OSBPL1A: variants seen among roughly 807,000 people sequenced by gnomAD.
The protein encoded by OSBPL1A is oxysterol binding protein like 1A.
OSBPL1A carries 80 observed loss-of-function variants against 137.1 expected under a neutral mutation model. That is an observed-to-expected ratio of 0.58 (90% CI 0.49 to 0.70). The LOEUF is 0.70. Among genes scored for constraint, OSBPL1A ranks in the 30% least tolerant of loss-of-function variants. The pLI is 0.00. For synonymous variants in OSBPL1A, 365 were observed against 389.7 expected, an observed-to-expected ratio of 0.94 and a Z score of 0.75; for missense variants, 970 against 1,129.4, an observed-to-expected ratio of 0.86 and a Z score of 2.02.
At chr18:24,177,329 C>T (rs558699726) in intron 21 of OSBPL1A, among the ~76,000 whole-genome samples, 1 of 152,314 alleles carries the variant, frequency 6.6e-6, no homozygotes, top group East Asian at 1.9e-4. Flanking sequence ...TTTCGGTCGG[C>T]CTCTAATCCC....
chr18:24,263,500 CA>C (rs1368040597), intron 15 of OSBPL1A, among the ~76,000 whole-genome samples: 1 of 152,176 alleles, frequency 6.6e-6, no homozygotes, highest in Non-Finnish European at 1.5e-5. Flanking sequence ...AACACACCAA[CA>C]AAACCCCAAA....
At chr18:24,173,417 T>C (rs1027839523) in intron 21 of OSBPL1A, among the ~76,000 whole-genome samples, 2 of 152,176 alleles carry the variant, frequency 1.3e-5, no homozygotes, top group Admixed American at 6.5e-5. Context: ...TTTATTTTAC[T>C]TTTTATTTTT....
intron 1 of OSBPL1A, among the ~76,000 whole-genome samples, chr18:24,387,985 A>C (rs1030322349): frequency 3.9e-5 from 6 of 152,094 alleles, no homozygotes; most frequent in African/African-American, 1.4e-4. Context: ...AAGGCTTACC[A>C]CATTCTAGGC....
At chr18:24,321,645 G>A (rs1282219715) in intron 7 of OSBPL1A, 3 of 505,730 alleles carry the variant, frequency 5.9e-6, no homozygotes, top group Non-Finnish European at 1.2e-5. Flanking sequence ...ACAGTAAGTT[G>A]AGGAGCACTG....
At chr18:24,190,764 G>A (rs2086870668) in intron 18 of OSBPL1A, among the ~76,000 whole-genome samples, 1 of 152,212 alleles carries the variant, frequency 6.6e-6, no homozygotes, top group Non-Finnish European at 1.5e-5. Flanking sequence ...TCTTAGAGTT[G>A]GAATGCAAGA....
At chr18:24,247,633 T>G (rs1225771231) in intron 15 of OSBPL1A, among the ~76,000 whole-genome samples, 6 of 151,672 alleles carry the variant, frequency 4.0e-5, no homozygotes, top group Non-Finnish European at 7.4e-5. Context: ...TGGCTAATTT[T>G]TTTTGTAATT....
At chr18:24,175,119 T>TATATATATAC (rs2086405170) in intron 21 of OSBPL1A, among the ~76,000 whole-genome samples, 3 of 128,536 alleles carry the variant, frequency 2.3e-5, no homozygotes, top group African/African-American at 1.0e-4. Flanking sequence ...TATATATATA[T>TATATATATAC]ATATATATAT....
chr18:24,179,861 T>C lies in OSBPL1A; in HGVS notation c.1813-26A>G, dbSNP rs1356334322. ...CTGTGGGACAGAGCATGAGAACAAG[T>C]CAAAAATAGCCGAGCTCGCTCCGCA... On this transcript the variant is annotated intron_variant, in intron 19 of 27. Coordinates refer to ENST00000319481, the MANE Select transcript of OSBPL1A (RefSeq NM_080597.4). The C allele has an allele frequency of 2.5e-6, 4 of 1,588,022 alleles. No homozygotes were observed. The Admixed American group carries it at 5.0e-5, about 20-fold the overall frequency.
At chr18:24,286,118 C>T (rs2090062625) in intron 14 of OSBPL1A, among the ~76,000 whole-genome samples, 1 of 152,136 alleles carries the variant, frequency 6.6e-6, no homozygotes, top group Non-Finnish European at 1.5e-5. Flanking sequence ...GATCGCGCCA[C>T]TGCACTCCAG....
intron 11 of OSBPL1A, among the ~76,000 whole-genome samples, chr18:24,315,597 T>C (rs2090705918): frequency 7.4e-6 from 1 of 134,436 alleles, no homozygotes; most frequent in South Asian, 2.2e-4. Flanking sequence ...ATATTAATAT[T>C]ATTATATATT....
chr18:24,275,772 AG>A (rs1477805513), intron 15 of OSBPL1A, among the ~76,000 whole-genome samples: 2 of 149,592 alleles, frequency 1.3e-5, no homozygotes, highest in East Asian at 3.9e-4. Context: ...TCCGTTGCTC[AG>A]GCTGGAGGGC....
chr18:24,178,416 C>A (rs1036878219), intron 20 of OSBPL1A, among the ~76,000 whole-genome samples: 1 of 151,974 alleles, frequency 6.6e-6, no homozygotes, highest in Non-Finnish European at 1.5e-5. Flanking sequence ...CTCAGCCTCT[C>A]GACTAATTGG....
intron 14 of OSBPL1A, among the ~76,000 whole-genome samples, chr18:24,298,593 C>G (rs1599633914): frequency 3.3e-5 from 5 of 152,350 alleles, no homozygotes; most frequent in Admixed American, 3.3e-4. Flanking sequence ...GTTCCACCCA[C>G]CTCGGCCTCC....
intron 9 of OSBPL1A, among the ~76,000 whole-genome samples, 162 bp from the exon 10 acceptor site, chr18:24,317,562 G>A (rs971201592): frequency 6.6e-6 from 1 of 152,078 alleles, no homozygotes; most frequent in Admixed American, 6.6e-5. Flanking sequence ...ACTAAGTGCA[G>A]TAATGAAAAC....
chr18:24,164,187 A>G (rs1398834770), intron 27 of OSBPL1A, among the ~76,000 whole-genome samples: 2 of 152,238 alleles, frequency 1.3e-5, no homozygotes, highest in African/African-American at 4.8e-5. Context: ...AGACATGAAT[A>G]GACATTTCTG....
chr18:24,197,338 T>A (rs1027070037), intron 17 of OSBPL1A, among the ~76,000 whole-genome samples: 1 of 152,080 alleles, frequency 6.6e-6, no homozygotes, highest in Non-Finnish European at 1.5e-5. Flanking sequence ...CAGAGCGAGA[T>A]TCTGTCTCAA....
chr18:24,262,286 A>C (rs2089461358), intron 15 of OSBPL1A, among the ~76,000 whole-genome samples: 1 of 152,188 alleles, frequency 6.6e-6, no homozygotes, highest in Non-Finnish European at 1.5e-5. Context: ...GAATTTAAGC[A>C]CACTCCTGTC....
chr18:24,209,770 T>C (rs926937897), intron 17 of OSBPL1A, among the ~76,000 whole-genome samples: 3 of 152,204 alleles, frequency 2.0e-5, no homozygotes, highest in African/African-American at 7.2e-5. Context: ...TAACGCCACA[T>C]TCAAGGAGCA....
intron 17 of OSBPL1A, among the ~76,000 whole-genome samples, chr18:24,221,667 G>A (rs1017215902): frequency 1.3e-5 from 2 of 152,042 alleles, no homozygotes; most frequent in Non-Finnish European, 2.9e-5. Flanking sequence ...CATATTAAAT[G>A]ATTATCCAAG....
Sources: gnomAD v4.1 joint callset for allele counts (sites outside exome capture counted in the v4.1 genomes callset) on GRCh38, gnomAD v4.1.1 for gene constraint, MANE v1.5 for transcripts, NCBI Gene and HGNC (gene_info 2026-07-23, HGNC 2026-07-21) for gene names.